Variants in ACOXL observed in about 807,000 individuals in gnomAD.
ACOXL encodes acyl-coenzyme A oxidase-like protein.
Under a neutral mutation model 71.9 loss-of-function variants are expected in ACOXL, and 70 were observed. That is an observed-to-expected ratio of 0.97 (90% CI 0.80 to 1.19). ACOXL has a LOEUF of 1.19. Ranked by LOEUF, ACOXL falls within the 50% of genes most tolerant of loss-of-function variation. The pLI is 0.00. For missense variants in ACOXL, 703 were observed against 736.3 expected (o/e 0.95, Z 0.52); for synonymous variants, 253 against 281.6 (o/e 0.90, Z 1.02).
chr2:111,074,405 T>C lies in ACOXL; in HGVS notation c.1441-18460T>C, dbSNP rs561070143. ...GATATTCTCTACAGGGCTTTCTGTG[T>C]GTATGTGTGTTTTTCTCTTGTAATT... On this transcript the variant is annotated intron_variant, in intron 16 of 17. Coordinates refer to ENST00000439055, the MANE Select transcript of ACOXL (RefSeq NM_001142807.4). 1.4e-3 allele frequency among the ~76,000 whole-genome samples: 217 copies of C among 152,232 alleles called. 1 individual carries two copies. Among genetic ancestry groups the C allele is most frequent in the African/African-American group, 5.0e-3 (208 of 41,546 alleles).
intron 16 of ACOXL, among the ~76,000 whole-genome samples, chr2:111,051,718 C>T (rs1574610348): frequency 6.6e-6 from 1 of 152,188 alleles, no homozygotes; most frequent in African/African-American, 2.4e-5. Context: ...GATCCACCCG[C>T]CTCGGCCTCC....
intron 9 of ACOXL, among the ~76,000 whole-genome samples, chr2:110,806,485 C>T (rs964852243): frequency 2.0e-5 from 3 of 152,072 alleles, no homozygotes; most frequent in South Asian, 2.1e-4. Flanking sequence ...ATCAGAGTGC[C>T]GAGGAAAACT....
At chr2:110,838,644 G>T (rs1266570703) in intron 9 of ACOXL, among the ~76,000 whole-genome samples, 2 of 152,196 alleles carry the variant, frequency 1.3e-5, no homozygotes, top group African/African-American at 2.4e-5. Flanking sequence ...CAGCTCATTT[G>T]CCTCATTGGT....
At position 110,999,028 on chromosome 2, in the gene ACOXL, A is replaced by C. The variant is rs142498729; in HGVS notation, c.1281+3024A>C. Among the ~76,000 whole-genome samples the C allele has an allele frequency of 5.9e-3, 904 of 152,328 alleles. 5 individuals carry two copies. Among genetic ancestry groups the C allele is most frequent in the African/African-American group, 0.021 (859 of 41,562 alleles). ...CAAGATATTTTCAGATATCTGTCAA[A>C]AGGTTGTTATATTAGTTAGTTGGGG... is the stretch of plus-strand genomic sequence containing the variant. On this transcript the variant is annotated intron_variant, in intron 14 of 17. Coordinates refer to ENST00000439055, the MANE Select transcript of ACOXL (RefSeq NM_001142807.4).
At chr2:110,963,129 C>T (rs2061769185) in intron 12 of ACOXL, among the ~76,000 whole-genome samples, 1 of 152,026 alleles carries the variant, frequency 6.6e-6, no homozygotes, top group African/African-American at 2.4e-5. Flanking sequence ...ATTGATGGCG[C>T]AGAGTATTTA....
At chr2:110,766,752 C>T (rs34667407) in intron 1 of ACOXL, among the ~76,000 whole-genome samples, 3,383 of 152,236 alleles carry the variant, frequency 0.022, 48 homozygotes, top group Middle Eastern at 0.068. Context: ...AGATTTACCT[C>T]GCATCTTCTT....
intron 14 of ACOXL, among the ~76,000 whole-genome samples, chr2:111,007,486 A>G (rs1477259409): frequency 6.6e-6 from 1 of 152,198 alleles, no homozygotes; most frequent in Non-Finnish European, 1.5e-5. Context: ...TTGGGTTACA[A>G]TCCAATATTA....
chr2:110,958,387 G>T (rs1426299581), intron 12 of ACOXL, among the ~76,000 whole-genome samples: 1 of 152,194 alleles, frequency 6.6e-6, no homozygotes. Context: ...GTGTGGAATG[G>T]TCCCTGACAA....
At chr2:110,761,817 C>G (rs1680434890) in intron 1 of ACOXL, among the ~76,000 whole-genome samples, 1 of 152,230 alleles carries the variant, frequency 6.6e-6, no homozygotes, top group Non-Finnish European at 1.5e-5. Flanking sequence ...CCTGTTCCAA[C>G]TTTTTCCCGT....
intron 10 of ACOXL, among the ~76,000 whole-genome samples, chr2:110,896,258 T>TA (rs1279306364): frequency 3.3e-5 from 5 of 151,992 alleles, no homozygotes; most frequent in Admixed American, 2.6e-4. Flanking sequence ...ACAAACACTA[T>TA]AGGTGCATCA....
rs146629080 is a variant in ACOXL, at chr2:111,110,949, C to T, written c.1543-6667C>T. ...AATTTCTCCATAATAACTTTGGACT[C>T]TTATTGTATTTTTAGTTTTGGCAGT... is the stretch of plus-strand genomic sequence containing the variant. On this transcript the variant is annotated intron_variant, in intron 17 of 17. Coordinates refer to ENST00000439055, the MANE Select transcript of ACOXL (RefSeq NM_001142807.4). Among the ~76,000 whole-genome samples, 939 of 152,208 alleles carry T rather than the reference C, an allele frequency of 6.2e-3. 10 individuals are homozygous for T. Among genetic ancestry groups the T allele is most frequent in the African/African-American group, 0.022 (903 of 41,522 alleles).
chr2:110,861,560 A>T (rs1161147339), intron 10 of ACOXL, among the ~76,000 whole-genome samples: 1 of 152,164 alleles, frequency 6.6e-6, no homozygotes, highest in East Asian at 1.9e-4. Flanking sequence ...GGAGAAACTC[A>T]AAATCTAACC....
rs918692356 is a variant in ACOXL, at chr2:111,062,386, A to C, written c.1440+13098A>C. 4.6e-4 allele frequency among the ~76,000 whole-genome samples: 70 copies of C among 152,086 alleles called. 1 individual carries two copies. Among genetic ancestry groups the C allele is most frequent in the Admixed American group, 2.6e-4 (4 of 15,264 alleles). ...TACAATTACAGTTACAGACTTCAACACTCCTCTCTCAACAATTGAGAGAAC... is the reference window on the plus strand; with the variant it reads ...TACAATTACAGTTACAGACTTCAACCCTCCTCTCTCAACAATTGAGAGAAC... On this transcript the variant is annotated intron_variant, in intron 16 of 17. Transcript: ENST00000439055.
intron 2 of ACOXL, among the ~76,000 whole-genome samples, chr2:110,774,391 GTC>G (rs1181750288): frequency 6.6e-6 from 1 of 152,154 alleles, no homozygotes. Flanking sequence ...AAGTAAAATA[GTC>G]TCTCTGAGCA....
chr2:110,907,576 C>T (rs1264488798), intron 10 of ACOXL, among the ~76,000 whole-genome samples: 3 of 151,364 alleles, frequency 2.0e-5, no homozygotes, highest in South Asian at 2.1e-4. Flanking sequence ...GGATGAAGGG[C>T]GGGTTGGGGT....
At chr2:110,929,852 C>T (rs184168935) in intron 11 of ACOXL, among the ~76,000 whole-genome samples, 1 of 152,330 alleles carries the variant, frequency 6.6e-6, no homozygotes, top group Admixed American at 6.5e-5. Flanking sequence ...GGTGTTGAGC[C>T]TGCAGGTTCA....
At chr2:111,070,858 T>C (rs1043110603) in intron 16 of ACOXL, among the ~76,000 whole-genome samples, 5 of 152,092 alleles carry the variant, frequency 3.3e-5, no homozygotes, top group Non-Finnish European at 5.9e-5. Context: ...GTTCCTGCTT[T>C]CCCTCGTGGC....
chr2:110,768,605 T>C (rs1681445160), intron 2 of ACOXL, 141 bp downstream of exon 2: 1 of 717,966 alleles, frequency 1.4e-6, no homozygotes, highest in Admixed American at 2.7e-5. Flanking sequence ...CATGGGTAAA[T>C]TGCGTGTTAT....
At chr2:110,855,342 A>C (rs1693103279) in intron 10 of ACOXL, among the ~76,000 whole-genome samples, 1 of 152,210 alleles carries the variant, frequency 6.6e-6, no homozygotes, top group Admixed American at 6.5e-5. Context: ...TTTGTTTTAG[A>C]GATAAGGGCA....
Sources: gnomAD v4.1 joint callset for allele counts (sites outside exome capture counted in the v4.1 genomes callset) on GRCh38, gnomAD v4.1.1 for gene constraint, MANE v1.5 for transcripts, NCBI Gene and HGNC (gene_info 2026-07-23, HGNC 2026-07-21) for gene names.